Variants in TMEM200A observed in about 807,000 individuals in gnomAD.
TMEM200A encodes two transmembrane C.
A neutral mutation model predicts 24.3 loss-of-function variants in TMEM200A; 12 were observed. That is an observed-to-expected ratio of 0.49 (90% CI 0.32 to 0.80). The LOEUF (loss-of-function observed/expected upper bound fraction) is 0.80, where lower values mean the gene tolerates loss of function less well. TMEM200A is among the 30% of genes least tolerant of loss of function. The pLI is 0.04. For missense variants in TMEM200A, 545 were observed against 614.4 expected (o/e 0.89, Z 1.19); for synonymous variants, 224 against 224.4 (o/e 1.00, Z 0.02).
intron 2 of TMEM200A, among the ~76,000 whole-genome samples, chr6:130,391,155 CTT>C (rs138306967): frequency 0.025 from 3,839 of 152,276 alleles, 164 homozygotes; most frequent in African/African-American, 0.087. Flanking sequence ...AGTGTGATGT[CTT>C]TCTCTGGTGC....
chr6:130,423,581 T>C (rs1352912865), intron 2 of TMEM200A, among the ~76,000 whole-genome samples: 1 of 152,166 alleles, frequency 6.6e-6, no homozygotes, highest in African/African-American at 2.4e-5. Flanking sequence ...CTTTTGTTAA[T>C]ATTTCCATGT....
At position 130,366,288 on chromosome 6, in the gene TMEM200A, C is replaced by T. The variant is rs1228290208; in HGVS notation, c.-317C>T. Reference sequence around the variant, plus strand: ...GCCCCCACCCTCCGTCCGCTTGCACCCCTTGCCACCCGCCCCCTCGCCTGA... The same window carrying T: ...GCCCCCACCCTCCGTCCGCTTGCACTCCTTGCCACCCGCCCCCTCGCCTGA... On this transcript the variant is annotated 5_prime_UTR_variant, in exon 1 of 3. Transcript: ENST00000296978. This position sits in a 1 kb window ranked among gnomAD's most constrained non-coding sequence, Gnocchi z 4.4. The T allele has an allele frequency of 9.1e-6, 9 of 985,218 alleles. No homozygotes were observed. Among genetic ancestry groups the T allele is most frequent in the Admixed American group, 6.1e-5 (1 of 16,264 alleles). 61.0% of individuals were successfully genotyped at this position (985,218 alleles called of 1,614,324 possible). A position where few individuals can be genotyped will look rare whatever the true frequency, so the allele number is the denominator to read the frequency against.
intron 2 of TMEM200A, among the ~76,000 whole-genome samples, chr6:130,405,568 G>C (rs1368333102): frequency 6.6e-6 from 1 of 152,154 alleles, no homozygotes; most frequent in African/African-American, 2.4e-5. Context: ...TTCTAACTGA[G>C]AATGAGGAAT....
Position 130,433,429 on chromosome 6 carries a change from C to T in TMEM200A, c.-16-6978C>T, listed in dbSNP as rs137990299. ...TTGGGATTACAGGCATGAGCCACCA[C>T]GCCCAGCCAAAAATGATTTTTATTC... On this transcript the variant is annotated intron_variant, in intron 2 of 2. Coordinates refer to ENST00000296978, the MANE Select transcript of TMEM200A (RefSeq NM_001258277.2). 4.3e-3 allele frequency among the ~76,000 whole-genome samples: 648 copies of T among 152,230 alleles called. 7 individuals are homozygous for T. The highest frequency in any genetic ancestry group is 0.014 in the African/African-American group (594 of 41,546).
intron 2 of TMEM200A, among the ~76,000 whole-genome samples, chr6:130,418,082 C>T (rs1353486283): frequency 6.6e-6 from 1 of 152,162 alleles, no homozygotes; most frequent in East Asian, 1.9e-4. Context: ...AGTGTGAGCA[C>T]ACTAACCACA....
intron 2 of TMEM200A, among the ~76,000 whole-genome samples, chr6:130,394,428 G>A (rs1778902967): frequency 6.6e-6 from 1 of 152,166 alleles, no homozygotes; most frequent in Non-Finnish European, 1.5e-5. Flanking sequence ...AGTGGCAGGG[G>A]TGGCAGAGCT....
At position 130,441,970 on chromosome 6, in the gene TMEM200A, G is replaced by C. The variant is rs895045344; in HGVS notation, c.*72G>C. On this transcript the variant is annotated 3_prime_UTR_variant, in exon 3 of 3. Transcript: ENST00000296978. ...TTTTCACTGGTGTTTCCTTCTTAAA[G>C]TATTGGCTGTAAGCCTTTTTAATCA... The C allele has an allele frequency of 6.7e-5, 93 of 1,398,176 alleles. 4 individuals carry two copies. Among genetic ancestry groups the C allele is most frequent in the Non-Finnish European group, 8.7e-6 (9 of 1,036,300 alleles). 86.6% of individuals were successfully genotyped at this position (1,398,176 alleles called of 1,614,324 possible). A position where few individuals can be genotyped will look rare whatever the true frequency, so the allele number is the denominator to read the frequency against.
At chr6:130,419,863 G>T (rs1269982901) in intron 2 of TMEM200A, among the ~76,000 whole-genome samples, 2 of 152,308 alleles carry the variant, frequency 1.3e-5, no homozygotes, top group East Asian at 3.9e-4. Flanking sequence ...TCTGGAGGCT[G>T]GGAGACTCCA....
chr6:130,372,829 G>T (rs1778354712), intron 1 of TMEM200A, among the ~76,000 whole-genome samples: 1 of 152,214 alleles, frequency 6.6e-6, no homozygotes, highest in African/African-American at 2.4e-5. Flanking sequence ...AAGTATTTAT[G>T]AGAACCTTGT....
intron 2 of TMEM200A, among the ~76,000 whole-genome samples, chr6:130,393,387 GA>G (rs137906074): frequency 0.087 from 13,214 of 152,220 alleles, 1,341 homozygotes; most frequent in African/African-American, 0.24. Context: ...TATGGCAATA[GA>G]AAATGAAGTA....
chr6:130,414,648 T>C (rs1394696342), intron 2 of TMEM200A, among the ~76,000 whole-genome samples: 1 of 152,160 alleles, frequency 6.6e-6, no homozygotes, highest in African/African-American at 2.4e-5. Context: ...AGTACAAGAA[T>C]ATATGCATGG....
intron 1 of TMEM200A, among the ~76,000 whole-genome samples, chr6:130,380,199 A>T (rs1778562016): frequency 6.6e-6 from 1 of 152,208 alleles, no homozygotes; most frequent in African/African-American, 2.4e-5. Flanking sequence ...AACAGAATAG[A>T]CATAGTCGTA....
chr6:130,388,094 A>G (rs1027776605), intron 2 of TMEM200A, among the ~76,000 whole-genome samples: 2 of 152,198 alleles, frequency 1.3e-5, no homozygotes, highest in African/African-American at 2.4e-5. Flanking sequence ...TAAGTTTATT[A>G]TACTCTGTAC....
chr6:130,406,528 G>A (rs1779213878), intron 2 of TMEM200A, among the ~76,000 whole-genome samples: 1 of 152,064 alleles, frequency 6.6e-6, no homozygotes, highest in Admixed American at 6.6e-5. Context: ...TCTCTGTTGT[G>A]TTTGTGAGAT....
chr6:130,402,930 C>T (rs1057155824), intron 2 of TMEM200A, among the ~76,000 whole-genome samples: 3 of 151,850 alleles, frequency 2.0e-5, no homozygotes, highest in African/African-American at 7.3e-5. Flanking sequence ...TGCAAGAGTC[C>T]ATCTCCATCT....
chr6:130,366,359 G>T lies in TMEM200A; in HGVS notation c.-246G>T. On this transcript the variant is annotated 5_prime_UTR_variant, in exon 1 of 3. Coordinates refer to ENST00000296978, the MANE Select transcript of TMEM200A (RefSeq NM_001258277.2). This position sits in a 1 kb window ranked among gnomAD's most constrained non-coding sequence, Gnocchi z 4.4. Reference sequence around the variant, plus strand: ...GCCCGAGCCCTGGGATGGGGAGGGAGACCGCGGCTGCCCGCGGCGGCCGAG... The same window carrying T: ...GCCCGAGCCCTGGGATGGGGAGGGATACCGCGGCTGCCCGCGGCGGCCGAG... The T allele has an allele frequency of 2.0e-6, 2 of 985,228 alleles. No homozygotes were observed. The highest frequency in any genetic ancestry group is 1.2e-6 in the Non-Finnish European group (1 of 829,884). 61.0% of individuals were successfully genotyped at this position (985,228 alleles called of 1,614,324 possible).
chr6:130,431,771 A>G (rs558534387), intron 2 of TMEM200A, among the ~76,000 whole-genome samples: 1 of 152,214 alleles, frequency 6.6e-6, no homozygotes, highest in East Asian at 1.9e-4. Context: ...GTGTGGGCCC[A>G]TATTTTACAG....
chr6:130,366,164 G>T lies in TMEM200A; in HGVS notation c.-441G>T. 4.1e-6 allele frequency: 4 copies of T among 985,332 alleles called. No individual in the cohort carries two copies. The highest frequency in any genetic ancestry group is 4.8e-6 in the Non-Finnish European group (4 of 829,878). The allele number at this position is 985,332 out of a possible 1,614,324, so 61.0% of individuals were successfully genotyped here. Reference sequence around the variant, plus strand: ...TGCCCTCCGAGGGCAGGCGCGCCTGGACTCTGCGCCCGGATGGCGGCGGCC... The same window carrying T: ...TGCCCTCCGAGGGCAGGCGCGCCTGTACTCTGCGCCCGGATGGCGGCGGCC... On this transcript the variant is annotated 5_prime_UTR_variant, in exon 1 of 3. Transcript: ENST00000296978. The surrounding 1 kb of genome is among the most constrained non-coding windows in gnomAD (Gnocchi z 4.4).
chr6:130,381,715 T>C (rs1463845388), intron 1 of TMEM200A, among the ~76,000 whole-genome samples: 5 of 152,176 alleles, frequency 3.3e-5, no homozygotes, highest in Admixed American at 2.6e-4. Flanking sequence ...TACCTCTTTG[T>C]TGTTGTTGTT....
Sources: allele counts gnomAD v4.1 joint callset (sites outside exome capture counted in the v4.1 genomes callset), GRCh38; gene constraint gnomAD v4.1.1; non-coding constraint Gnocchi (gnomAD v3.1); transcripts MANE v1.5; gene names NCBI Gene and HGNC (gene_info 2026-07-23, HGNC 2026-07-21).